KCTD16: variants seen among roughly 807,000 people sequenced by gnomAD.
The protein encoded by KCTD16 is potassium channel tetramerization domain containing 16, also known as BTB/POZ domain-containing protein KCTD16.
In KCTD16, 13 loss-of-function variants were observed where a neutral mutation model predicts 33.2. The ratio of observed to expected loss-of-function variants is 0.39; its 90% confidence interval spans 0.25 to 0.62. The LOEUF (loss-of-function observed/expected upper bound fraction) is 0.62. Ranked by LOEUF, KCTD16 falls within the 20% of genes least tolerant of loss-of-function variation. KCTD16 has a pLI of 0.50. For synonymous variants in KCTD16, 197 were observed against 195.3 expected (o/e 1.01, Z -0.07); for missense variants, 441 against 525.1 (o/e 0.84, Z 1.57).
At chr5:144,314,197 A>G (rs1751844739) in intron 3 of KCTD16, among the ~76,000 whole-genome samples, 1 of 152,216 alleles carries the variant, frequency 6.6e-6, no homozygotes, top group South Asian at 2.1e-4. Context: ...CGAGATCAAT[A>G]CAAATATTAT....
intron 3 of KCTD16, among the ~76,000 whole-genome samples, chr5:144,349,510 A>G (rs1752891325): frequency 6.6e-6 from 1 of 152,196 alleles, no homozygotes; most frequent in Non-Finnish European, 1.5e-5. Context: ...TTCTGAATTG[A>G]ATTAAATCCA....
At chr5:144,286,364 T>C (rs1294570755) in intron 3 of KCTD16, among the ~76,000 whole-genome samples, 1 of 152,216 alleles carries the variant, frequency 6.6e-6, no homozygotes, top group Admixed American at 6.5e-5. Context: ...ATTATCAGGC[T>C]GTACTTCATC....
At chr5:144,266,411 G>A (rs571158997) in intron 3 of KCTD16, among the ~76,000 whole-genome samples, 5 of 152,278 alleles carry the variant, frequency 3.3e-5, no homozygotes, top group Admixed American at 1.3e-4. Flanking sequence ...AGGCAGTAGA[G>A]GGTAGCACCA....
At chr5:144,416,871 A>G (rs1380588915) in intron 3 of KCTD16, among the ~76,000 whole-genome samples, 3 of 152,116 alleles carry the variant, frequency 2.0e-5, no homozygotes, top group African/African-American at 7.2e-5. Context: ...GGTCAAAACT[A>G]TATGTGATAT....
At chr5:144,222,264 A>G (rs1473198697) in intron 3 of KCTD16, among the ~76,000 whole-genome samples, 1 of 152,180 alleles carries the variant, frequency 6.6e-6, no homozygotes, top group Non-Finnish European at 1.5e-5. Flanking sequence ...TTATATATCA[A>G]TGGTCAAAAT....
chr5:144,291,752 A>T (rs1755901552), intron 3 of KCTD16, among the ~76,000 whole-genome samples: 3 of 152,184 alleles, frequency 2.0e-5, no homozygotes, highest in Non-Finnish European at 2.9e-5. Context: ...AATGAGAAAA[A>T]ATTGCATCTT....
In KCTD16 at chr5:144,478,986, A is replaced by C. The variant is rs1295179012; in HGVS notation, c.*4872A>C. ...CATTATTATAGTCTTAGCTCTGGGTAGATGGGAGCATATCTCTGAGTGAGA... is the reference window on the plus strand; with the variant it reads ...CATTATTATAGTCTTAGCTCTGGGTCGATGGGAGCATATCTCTGAGTGAGA... On this transcript the variant is annotated 3_prime_UTR_variant, in exon 4 of 4. Transcript: ENST00000512467. The C allele has an allele frequency of 6.6e-6, 1 of 152,002 alleles. No individual in the cohort carries two copies. The highest frequency in any genetic ancestry group is 2.4e-5 in the African/African-American group (1 of 41,422). 9.4% of individuals were successfully genotyped at this position (152,002 alleles called of 1,614,324 possible). A position where few individuals can be genotyped will look rare whatever the true frequency, so the allele number is the denominator to read the frequency against.
At position 144,484,004 on chromosome 5, in the gene KCTD16, G is replaced by A. The variant is rs1213965715; in HGVS notation, c.*9890G>A. 6.6e-6 allele frequency: 1 copy of A among 151,938 alleles called. No homozygotes were observed. Among genetic ancestry groups the A allele is most frequent in the Non-Finnish European group, 1.5e-5 (1 of 67,918 alleles). 9.4% of individuals were successfully genotyped at this position (151,938 alleles called of 1,614,324 possible). On this transcript the variant is annotated 3_prime_UTR_variant, in exon 4 of 4. Transcript: ENST00000512467. ...GTTTTTTCCCCAAAATTTTGGAGCA[G>A]AGGGGACGTTTTACATCATCCTAAC...
At chr5:144,340,533 G>C (rs553507558) in intron 3 of KCTD16, among the ~76,000 whole-genome samples, 6 of 152,096 alleles carry the variant, frequency 3.9e-5, no homozygotes, top group African/African-American at 1.4e-4. Flanking sequence ...CAAGTATTAT[G>C]AAAGAGGCAT....
rs145545047 is a variant in KCTD16, at chr5:144,353,153, A to G, written c.833-120507A>G. Among the ~76,000 whole-genome samples the G allele has an allele frequency of 1.1e-3, 168 of 152,340 alleles. 1 individual carries two copies. The highest frequency in any genetic ancestry group is 6.8e-3 in the Middle Eastern group (2 of 294). ...GTGTTGTTCCCAAGGGGCCCTACCC[A>G]GACACTGGTGCATTCTGGGGGAAGT... On this transcript the variant is annotated intron_variant, in intron 3 of 3. Transcript: ENST00000512467.
intron 3 of KCTD16, among the ~76,000 whole-genome samples, chr5:144,388,530 T>G (rs1228642207): frequency 2.0e-5 from 3 of 152,238 alleles, no homozygotes; most frequent in African/African-American, 7.2e-5. Flanking sequence ...ATTTGAGAGT[T>G]GGATACCATG....
intron 3 of KCTD16, among the ~76,000 whole-genome samples, chr5:144,239,664 A>G (rs1011598654): frequency 3.9e-5 from 6 of 152,152 alleles, no homozygotes; most frequent in African/African-American, 1.4e-4. Flanking sequence ...TGTGCTCAGC[A>G]TTAAGGAAAA....
In KCTD16 at chr5:144,485,440, A is replaced by G. The variant is rs1016353157; in HGVS notation, c.*11326A>G. 1 of 151,886 alleles carries G rather than the reference A, an allele frequency of 6.6e-6. No homozygotes were observed. The highest frequency in any genetic ancestry group is 1.5e-5 in the Non-Finnish European group (1 of 67,884). The allele number at this position is 151,886 out of a possible 1,614,324, so 9.4% of individuals were successfully genotyped here. On this transcript the variant is annotated 3_prime_UTR_variant, in exon 4 of 4. Transcript: ENST00000512467. The stretch of plus-strand genomic sequence containing the variant: ...AATTAATTTGCTATTAACTGCTTTC[A>G]TATTCTGTTTAGTTCTTATAGTATG...
At chr5:144,467,826 GT>G (rs1353549692) in intron 3 of KCTD16, among the ~76,000 whole-genome samples, 1 of 152,120 alleles carries the variant, frequency 6.6e-6, no homozygotes. Flanking sequence ...TTATTAAGGT[GT>G]TGTCTCTCAG....
intron 3 of KCTD16, among the ~76,000 whole-genome samples, chr5:144,285,721 T>C (rs531773373): frequency 6.6e-6 from 1 of 152,360 alleles, no homozygotes; most frequent in East Asian, 1.9e-4. Context: ...AATTACATTC[T>C]ACATTGCTGT....
intron 3 of KCTD16, among the ~76,000 whole-genome samples, chr5:144,386,521 C>T (rs1193691299): frequency 6.6e-6 from 1 of 152,104 alleles, no homozygotes; most frequent in African/African-American, 2.4e-5. Flanking sequence ...TGTACAGTTC[C>T]TACTTTAGAC....
chr5:144,485,258 A>T lies in KCTD16; in HGVS notation c.*11144A>T, dbSNP rs1266075139. The T allele has an allele frequency of 6.6e-6, 1 of 151,922 alleles. No individual in the cohort carries two copies. Among genetic ancestry groups the T allele is most frequent in the African/African-American group, 2.4e-5 (1 of 41,404 alleles). 9.4% of individuals were successfully genotyped at this position (151,922 alleles called of 1,614,324 possible). On this transcript the variant is annotated 3_prime_UTR_variant, in exon 4 of 4. Coordinates refer to ENST00000512467, the MANE Select transcript of KCTD16 (RefSeq NM_020768.4). ...TTTGGCAATCATTGGTTCACTCAGA[A>T]GGCAACCGCCTATAGATGGAACAGC...
intron 3 of KCTD16, among the ~76,000 whole-genome samples, chr5:144,222,829 A>G (rs1370217509): frequency 6.6e-6 from 1 of 152,250 alleles, no homozygotes; most frequent in Non-Finnish European, 1.5e-5. Context: ...GCTGCTATAA[A>G]GACACATGCA....
intron 3 of KCTD16, among the ~76,000 whole-genome samples, chr5:144,428,495 T>C (rs1461039557): frequency 6.6e-6 from 1 of 152,178 alleles, no homozygotes; most frequent in Admixed American, 6.5e-5. Context: ...TCACAAGACC[T>C]TTAATTCTTG....
Sources: gnomAD v4.1 joint callset for allele counts (sites outside exome capture counted in the v4.1 genomes callset) on GRCh38, gnomAD v4.1.1 for gene constraint, MANE v1.5 for transcripts, NCBI Gene and HGNC (gene_info 2026-07-23, HGNC 2026-07-21) for gene names.